NDUFAF6: variants seen among roughly 807,000 people sequenced by gnomAD.
NDUFAF6 encodes NADH:ubiquinone oxidoreductase complex assembly factor 6, also known as NADH dehydrogenase (ubiquinone) complex I, assembly factor 6.
In NDUFAF6, 45 loss-of-function variants were observed where a neutral mutation model predicts 40.8. The observed-to-expected ratio is 1.10, with a 90% CI of 0.87 to 1.42. NDUFAF6 has a LOEUF of 1.42. Among genes scored for constraint, NDUFAF6 ranks in the 40% most tolerant of loss-of-function variants. NDUFAF6 has a pLI of 0.00. For synonymous variants in NDUFAF6, 185 were observed against 155.9 expected, an observed-to-expected ratio of 1.19 and a Z score of -1.39; for missense variants, 435 against 418.5, an observed-to-expected ratio of 1.04 and a Z score of -0.34.
intron 2 of NDUFAF6, among the ~76,000 whole-genome samples, chr8:94,991,547 T>C (rs190979285): frequency 1.6e-4 from 25 of 152,344 alleles, no homozygotes; most frequent in African/African-American, 5.5e-4. Flanking sequence ...TCAGCTTATG[T>C]ATGTAAATGA....
chr8:95,017,081 C>CCT lies in NDUFAF6; in HGVS notation c.-83-14914_-83-14913insCT, dbSNP rs528767951. On this transcript the variant is annotated intron_variant, in intron 2 of 9. Coordinates refer to the NDUFAF6 transcript ENST00000396111. ...CCGAGTAGGTAGGACCACAGGTGTA[C>CCT]ACTGCCATGCCCAGCTAATTTTTTT... Among the ~76,000 whole-genome samples the CCT allele has an allele frequency of 2.8e-3, 427 of 150,604 alleles. 2 individuals carry two copies. The highest frequency in any genetic ancestry group is 4.1e-3 in the Admixed American group (62 of 15,086).
intron 1 of NDUFAF6, chr8:94,939,944 G>C (rs1563730551): frequency 6.2e-7 from 1 of 1,614,182 alleles, no homozygotes; most frequent in Non-Finnish European, 8.5e-7. Flanking sequence ...AGCATAGACA[G>C]ACATGCTGGG....
chr8:94,943,645 G>A (rs568841391), intron 1 of NDUFAF6, among the ~76,000 whole-genome samples: 1 of 152,318 alleles, frequency 6.6e-6, no homozygotes, highest in African/African-American at 2.4e-5. Context: ...AAGTAGTTGG[G>A]ATCTGTAGCT....
intron 1 of NDUFAF6, among the ~76,000 whole-genome samples, chr8:94,963,244 A>G (rs1432028476): frequency 1.3e-5 from 2 of 152,276 alleles, no homozygotes; most frequent in African/African-American, 2.4e-5. Flanking sequence ...TGGAGACTGC[A>G]TGAAAAATGG....
chr8:94,945,271 T>C (rs980963677), intron 1 of NDUFAF6, among the ~76,000 whole-genome samples: 1 of 152,184 alleles, frequency 6.6e-6, no homozygotes, highest in Non-Finnish European at 1.5e-5. Context: ...ATGTGCTGTA[T>C]ATGTAAAGTA....
Position 94,997,363 on chromosome 8 carries a change from GAGAC to G in NDUFAF6, c.-84+16394_-84+16397del, listed in dbSNP as rs1330624299. 7.5e-4 allele frequency among the ~76,000 whole-genome samples: 111 copies of G among 148,538 alleles called. 1 individual carries two copies. In the East Asian group the frequency reaches 8.5e-3, roughly 11 times the overall value. ...ACACACAGAGAGAGAGAGAGAGAGA[GAGAC>G]AGAGAGAATGTAAGAGACAGATTTT... On this transcript the variant is annotated intron_variant, in intron 2 of 9. Coordinates refer to the NDUFAF6 transcript ENST00000396111.
intron 2 of NDUFAF6, among the ~76,000 whole-genome samples, chr8:94,983,084 G>T (rs1424725458): frequency 6.6e-6 from 1 of 151,988 alleles, no homozygotes; most frequent in Non-Finnish European, 1.5e-5. Context: ...TTTGCATGTG[G>T]TCATTGCAAA....
intron 2 of NDUFAF6, among the ~76,000 whole-genome samples, chr8:94,987,362 G>T (rs1372232982): frequency 6.6e-6 from 1 of 152,058 alleles, no homozygotes; most frequent in Non-Finnish European, 1.5e-5. Flanking sequence ...CTTGTTTCCA[G>T]TCCCTTCAGA....
chr8:94,905,559 C>T (rs1239878609), intron 1 of NDUFAF6, among the ~76,000 whole-genome samples: 4 of 152,300 alleles, frequency 2.6e-5, no homozygotes, highest in Admixed American at 2.0e-4. Flanking sequence ...CAGAGCTTCC[C>T]TGGTCCTTCC....
At chr8:94,944,552 TC>T (rs1019024950) in intron 1 of NDUFAF6, among the ~76,000 whole-genome samples, 40 of 152,196 alleles carry the variant, frequency 2.6e-4, no homozygotes, top group Non-Finnish European at 5.3e-4. Context: ...CCTCCAGATG[TC>T]CCATATCTCT....
chr8:95,058,466 T>G lies in NDUFAF6; in HGVS notation c.*529T>G. 1 of 1,229,968 alleles carries G rather than the reference T, an allele frequency of 8.1e-7. No homozygotes were observed. Among genetic ancestry groups the G allele is most frequent in the Non-Finnish European group, 1.0e-6 (1 of 987,222 alleles). The allele number at this position is 1,229,968 out of a possible 1,614,324, so 76.2% of individuals were successfully genotyped here. A position where few individuals can be genotyped will look rare whatever the true frequency, so the allele number is the denominator to read the frequency against. ...TCCTTAACGTTTAATTTTTACAATC[T>G]TGTGTAAAAATTTATCCATGATAAT... is the stretch of plus-strand genomic sequence containing the variant. On this transcript the variant is annotated 3_prime_UTR_variant, in exon 9 of 9. Coordinates refer to ENST00000396124, the MANE Select transcript of NDUFAF6 (RefSeq NM_152416.4).
intron 1 of NDUFAF6, among the ~76,000 whole-genome samples, chr8:94,905,493 C>T (rs1818337092): frequency 6.6e-6 from 1 of 152,034 alleles, no homozygotes; most frequent in African/African-American, 2.4e-5. Context: ...CTCTGTGTAG[C>T]CAGACCTCCT....
downstream of NDUFAF6, among the ~76,000 whole-genome samples, chr8:95,063,617 A>C (rs1396535850): frequency 6.6e-6 from 1 of 152,046 alleles, no homozygotes; most frequent in African/African-American, 2.4e-5. Context: ...AAAACAAAAC[A>C]AAAAAACAGT....
chr8:95,030,930 G>A (rs1485373697), intron 1 of NDUFAF6, among the ~76,000 whole-genome samples: 2 of 152,174 alleles, frequency 1.3e-5, no homozygotes, highest in African/African-American at 2.4e-5. Flanking sequence ...TGGCAAGAGA[G>A]GAAGCAAAAG....
intron 1 of NDUFAF6, chr8:94,940,175 T>C: frequency 6.2e-7 from 1 of 1,613,718 alleles, no homozygotes; most frequent in Non-Finnish European, 8.5e-7. Context: ...TTCACTGATG[T>C]CCTCCTCTTC....
chr8:94,955,138 C>G (rs2131445523), upstream of NDUFAF6, among the ~76,000 whole-genome samples: 2 of 152,306 alleles, frequency 1.3e-5, no homozygotes, highest in African/African-American at 4.8e-5. Context: ...CAGAAAGGTG[C>G]CTGGCACATG....
intron 4 of NDUFAF6, among the ~76,000 whole-genome samples, chr8:95,113,265 A>G (rs1417075282): frequency 6.6e-6 from 1 of 152,222 alleles, no homozygotes; most frequent in Non-Finnish European, 1.5e-5. Context: ...AAGATGTGTC[A>G]TCAGTCTAGG....
At chr8:94,991,802 C>T (rs1474997908) in intron 2 of NDUFAF6, among the ~76,000 whole-genome samples, 1 of 141,612 alleles carries the variant, frequency 7.1e-6, no homozygotes, top group Non-Finnish European at 1.5e-5. Context: ...CTTCGCCCCC[C>T]CCCCCTTTTT....
upstream of NDUFAF6, chr8:95,023,398 G>C (rs1348003916): frequency 6.6e-6 from 1 of 152,180 alleles, no homozygotes; most frequent in African/African-American, 2.4e-5. Flanking sequence ...GCTTTACCTT[G>C]GGTTTAAACA....
Sources: allele counts gnomAD v4.1 joint callset (sites outside exome capture counted in the v4.1 genomes callset), GRCh38; gene constraint gnomAD v4.1.1; transcripts MANE v1.5; gene names NCBI Gene and HGNC (gene_info 2026-07-23, HGNC 2026-07-21).